AGO3: variants seen among roughly 807,000 people sequenced by gnomAD.
The protein encoded by AGO3 is argonaute RISC catalytic component 3.
In AGO3, 16 loss-of-function variants were observed where a neutral mutation model predicts 105.5. The observed-to-expected ratio is 0.15, with a 90% CI of 0.10 to 0.23. The LOEUF (loss-of-function observed/expected upper bound fraction) is 0.23. Ranked by LOEUF, AGO3 falls within the 10% of genes least tolerant of loss-of-function variation. AGO3 has a pLI of 1.00. For synonymous variants in AGO3, 340 were observed against 367.3 expected (o/e 0.93, Z 0.85); for missense variants, 534 against 1,088.0 (o/e 0.49, Z 7.16).
rs375827077 is a variant in AGO3 at position 36,055,171 on chromosome 1, C to T, written c.2474+26C>T. The T allele has an allele frequency of 1.3e-5, 20 of 1,557,338 alleles. 1 individual carries two copies. The African/African-American group carries it at 2.2e-4, about 17-fold the overall frequency. ...GTAATATAAAAGCATAACAGGTTCTCACCCAAATCCCAATATTGTCTGCAT... is the reference window on the plus strand; with the variant it reads ...GTAATATAAAAGCATAACAGGTTCTTACCCAAATCCCAATATTGTCTGCAT... On this transcript the variant is annotated intron_variant, in intron 18 of 18. Transcript: ENST00000373191. This position sits in a 1 kb window ranked among gnomAD's most constrained non-coding sequence, Gnocchi z 4.4.
intron 3 of AGO3, 95 bp from the exon 4 acceptor site, chr1:35,971,929 C>A: frequency 1.7e-6 from 2 of 1,198,508 alleles, no homozygotes; most frequent in Non-Finnish European, 2.3e-6. Flanking sequence ...TTTATTTTTG[C>A]CATGTTTTCT....
At chr1:35,991,844 C>T (rs1347571535) in intron 5 of AGO3, among the ~76,000 whole-genome samples, 2 of 151,950 alleles carry the variant, frequency 1.3e-5, no homozygotes, top group African/African-American at 4.8e-5. Flanking sequence ...TTATGCTTCC[C>T]TCAAATTCCT....
In AGO3 at chr1:36,070,046, AG is replaced by A. The variant is rs1643140888; in HGVS notation, c.*14302del. The A allele has an allele frequency of 6.6e-6, 1 of 152,124 alleles. No homozygotes were observed. The highest frequency in any genetic ancestry group is 2.4e-5 in the African/African-American group (1 of 41,446). The allele number at this position is 152,124 out of a possible 1,614,324, so 9.4% of individuals were successfully genotyped here. On this transcript the variant is annotated 3_prime_UTR_variant, in exon 19 of 19. Transcript: ENST00000373191. ...CACTCCAGCCTGGGCAACAAAGCGAAGCTCTGTCTCAATAAAAAAAAAAATA... is the reference window on the plus strand; with the variant it reads ...CACTCCAGCCTGGGCAACAAAGCGAACTCTGTCTCAATAAAAAAAAAAATA...
intron 1 of AGO3, among the ~76,000 whole-genome samples, chr1:35,943,601 CTTTT>C (rs59873910): frequency 1.6e-5 from 2 of 123,392 alleles, no homozygotes; most frequent in Non-Finnish European, 1.7e-5. Context: ...ACCCCCAGCC[CTTTT>C]TTTTTTTTTT....
intron 9 of AGO3, among the ~76,000 whole-genome samples, chr1:36,012,558 T>C (rs531696694): frequency 5.9e-4 from 89 of 152,112 alleles, no homozygotes; most frequent in Non-Finnish European, 1.0e-3. Flanking sequence ...TTTTATAATA[T>C]GGCACTGAAA....
intron 5 of AGO3, among the ~76,000 whole-genome samples, chr1:35,976,594 C>T (rs1380211892): frequency 2.0e-5 from 3 of 152,072 alleles, no homozygotes; most frequent in African/African-American, 7.2e-5. Flanking sequence ...TGTATGTATA[C>T]ATTGTCATAT....
chr1:35,976,002 C>T (rs1295477225), intron 5 of AGO3, among the ~76,000 whole-genome samples: 1 of 149,188 alleles, frequency 6.7e-6, no homozygotes, highest in Non-Finnish European at 1.5e-5. Context: ...ATGGAGTGAT[C>T]TCGGCTCACA....
rs1234072351 is a variant in AGO3 at position 36,056,132 on chromosome 1, CAA to C, written c.*389_*390del. On this transcript the variant is annotated 3_prime_UTR_variant, in exon 19 of 19. Transcript: ENST00000373191. ...AAAAATACACACCTTCATGAATAAT[CAA>C]AGTGATTTTTCAGAATTATGTGTGC... 6.3e-6 allele frequency: 1 copy of C among 158,764 alleles called. No homozygotes were observed. Among genetic ancestry groups the C allele is most frequent in the Non-Finnish European group, 1.4e-5 (1 of 72,004 alleles). The allele number at this position is 158,764 out of a possible 1,614,324, so 9.8% of individuals were successfully genotyped here.
At chr1:36,017,652 A>G (rs1640974362) in intron 11 of AGO3, among the ~76,000 whole-genome samples, 1 of 152,098 alleles carries the variant, frequency 6.6e-6, no homozygotes, top group Non-Finnish European at 1.5e-5. Flanking sequence ...TGTAATCTGC[A>G]ATCACTTTGG....
chr1:35,957,989 C>G (rs1646602317), intron 2 of AGO3, among the ~76,000 whole-genome samples: 1 of 151,948 alleles, frequency 6.6e-6, no homozygotes, highest in African/African-American at 2.4e-5. Flanking sequence ...TTGCTCACTT[C>G]AGGAGTTGGA....
intron 11 of AGO3, among the ~76,000 whole-genome samples, chr1:36,024,444 T>C (rs1440330466): frequency 6.6e-6 from 1 of 152,134 alleles, no homozygotes; most frequent in Non-Finnish European, 1.5e-5. Context: ...GCCGACCTTC[T>C]TGACATCCTC....
At chr1:36,047,900 C>T (rs2148857879) in intron 17 of AGO3, among the ~76,000 whole-genome samples, 1 of 151,512 alleles carries the variant, frequency 6.6e-6, no homozygotes, top group Admixed American at 6.6e-5. Context: ...GAAATAATAG[C>T]TGAAAACTTC....
At chr1:35,998,465 AATTT>A (rs1487464469) in intron 5 of AGO3, among the ~76,000 whole-genome samples, 1 of 152,134 alleles carries the variant, frequency 6.6e-6, no homozygotes, top group African/African-American at 2.4e-5. Flanking sequence ...TACAGCTTCC[AATTT>A]ATTATATATT....
intron 17 of AGO3, among the ~76,000 whole-genome samples, chr1:36,044,694 G>C (rs1436161240): frequency 6.6e-6 from 1 of 152,032 alleles, no homozygotes; most frequent in Non-Finnish European, 1.5e-5. Context: ...CGCCCACCTT[G>C]GCCTCCCAAA....
intron 5 of AGO3, among the ~76,000 whole-genome samples, chr1:35,974,418 T>G (rs564339787): frequency 6.6e-6 from 1 of 152,332 alleles, no homozygotes; most frequent in South Asian, 2.1e-4. Context: ...CTGTAGAATA[T>G]GTTCAAATCT....
intron 11 of AGO3, among the ~76,000 whole-genome samples, chr1:36,024,609 A>G (rs1641410176): frequency 6.6e-6 from 1 of 152,082 alleles, no homozygotes; most frequent in African/African-American, 2.4e-5. Flanking sequence ...CACCACCTCT[A>G]TTTGTGACGA....
chr1:35,944,738 A>G (rs1024546081), intron 1 of AGO3, among the ~76,000 whole-genome samples: 2 of 151,880 alleles, frequency 1.3e-5, no homozygotes, highest in African/African-American at 4.8e-5. Flanking sequence ...TCCCAACCTC[A>G]GGTGATCTGC....
At chr1:35,940,195 T>G (rs1486130944) in intron 1 of AGO3, among the ~76,000 whole-genome samples, 1 of 152,092 alleles carries the variant, frequency 6.6e-6, no homozygotes, top group Admixed American at 6.5e-5. Context: ...GCCTCCTGAG[T>G]AGCTGGGATT....
chr1:36,000,814 C>T (rs1640048547), intron 5 of AGO3, among the ~76,000 whole-genome samples: 1 of 150,518 alleles, frequency 6.6e-6, no homozygotes, highest in Admixed American at 6.6e-5. Context: ...GAGTAAGATA[C>T]CCAGAATACT....
Sources: gnomAD v4.1 joint callset for allele counts (sites outside exome capture counted in the v4.1 genomes callset) on GRCh38, gnomAD v4.1.1 for gene constraint, Gnocchi (gnomAD v3.1) non-coding constraint, MANE v1.5 for transcripts, NCBI Gene and HGNC (gene_info 2026-07-23, HGNC 2026-07-21) for gene names.